Variants in ROBO2 observed in about 807,000 individuals in gnomAD.
The protein encoded by ROBO2 is roundabout guidance receptor 2, also known as roundabout homolog 2.
ROBO2 carries 53 observed loss-of-function variants against 160.8 expected under a neutral mutation model. The ratio of observed to expected loss-of-function variants is 0.33; its 90% CI spans 0.26 to 0.41. The LOEUF (loss-of-function observed/expected upper bound fraction) is 0.41, where lower values mean the gene tolerates loss of function less well. Ranked by LOEUF, ROBO2 falls within the 10% of genes least tolerant of loss-of-function variation. The pLI is 1.00. For synonymous variants in ROBO2, 664 were observed against 611.7 expected (o/e 1.09, Z -1.26); for missense variants, 1,577 against 1,722.4 (o/e 0.92, Z 1.49).
intron 2 of ROBO2, among the ~76,000 whole-genome samples, chr3:77,180,416 C>CTCTCTCTCTATATATA (rs1433740534): frequency 2.1e-4 from 19 of 90,722 alleles, no homozygotes; most frequent in South Asian, 7.5e-4. Context: ...CTCTCTCTCT[C>CTCTCTCTCTATATATA]TATATATATA....
At chr3:76,680,063 C>T (rs2092515313) in intron 2 of ROBO2, among the ~76,000 whole-genome samples, 1 of 152,078 alleles carries the variant, frequency 6.6e-6, no homozygotes, top group South Asian at 2.1e-4. Context: ...TAAAGCTAAA[C>T]ATTGTGCAAA....
intron 2 of ROBO2, among the ~76,000 whole-genome samples, chr3:77,247,570 C>T (rs191968234): frequency 4.5e-4 from 68 of 152,300 alleles, no homozygotes; most frequent in South Asian, 1.0e-3. Flanking sequence ...AGTGGCTCCT[C>T]CTCTCTTCAG....
intron 21 of ROBO2, among the ~76,000 whole-genome samples, chr3:77,611,516 C>T (rs2094642196): frequency 6.6e-6 from 1 of 151,964 alleles, no homozygotes; most frequent in African/African-American, 2.4e-5. Context: ...GGGAATAAAA[C>T]AAAGCAAGGT....
chr3:76,156,666 C>T (rs539584461), intron 2 of ROBO2, among the ~76,000 whole-genome samples: 9 of 152,278 alleles, frequency 5.9e-5, no homozygotes, highest in Non-Finnish European at 1.3e-4. Flanking sequence ...ATAGAATTAA[C>T]GAACTTTAGA....
intron 1 of ROBO2, among the ~76,000 whole-genome samples, chr3:75,934,414 A>G (rs1285419350): frequency 1.3e-5 from 2 of 152,212 alleles, no homozygotes; most frequent in Non-Finnish European, 2.9e-5. Context: ...AGTCCATGGC[A>G]TGTCTTTATG....
intron 2 of ROBO2, among the ~76,000 whole-genome samples, chr3:76,726,082 T>C (rs558316763): frequency 6.6e-6 from 1 of 152,260 alleles, no homozygotes; most frequent in South Asian, 2.1e-4. Context: ...CATACATCAG[T>C]CTGTTTTTTC....
chr3:76,438,028 T>C (rs1022979363), intron 2 of ROBO2, among the ~76,000 whole-genome samples: 1 of 152,166 alleles, frequency 6.6e-6, no homozygotes, highest in African/African-American at 2.4e-5. Flanking sequence ...GTTAAGCATA[T>C]ACAGTTCCAG....
intron 2 of ROBO2, among the ~76,000 whole-genome samples, chr3:76,644,637 T>C (rs1310372483): frequency 6.6e-6 from 1 of 152,178 alleles, no homozygotes; most frequent in Non-Finnish European, 1.5e-5. Context: ...TTAATACTTT[T>C]GGTGGCCACA....
At chr3:76,548,073 A>G (rs539430880) in intron 2 of ROBO2, among the ~76,000 whole-genome samples, 1 of 152,188 alleles carries the variant, frequency 6.6e-6, no homozygotes, top group Non-Finnish European at 1.5e-5. Context: ...AGAATGGTGC[A>G]TATATAAAAC....
rs542710840 is a variant in ROBO2, at chr3:76,194,406, C to A, written c.109+256804C>A. Among the ~76,000 whole-genome samples the A allele has an allele frequency of 7.3e-4, 96 of 131,258 alleles. 1 individual carries two copies. Among genetic ancestry groups the A allele is most frequent in the African/African-American group, 2.5e-3 (91 of 35,772 alleles). 86.1% of individuals were successfully genotyped at this position (131,258 alleles called of 152,430 possible). A position where few individuals can be genotyped will look rare whatever the true frequency, so the allele number is the denominator to read the frequency against. On this transcript the variant is annotated intron_variant, in intron 2 of 26. Transcript: ENST00000487694. ...TATATAGTGTGAGGACAAAGCTGGA[C>A]TTGTTCACTGGTAATCTTTATTTGG...
intron 1 of ROBO2, among the ~76,000 whole-genome samples, chr3:77,056,992 G>C (rs1226225442): frequency 6.6e-6 from 1 of 152,056 alleles, no homozygotes; most frequent in Non-Finnish European, 1.5e-5. Context: ...CAATCATGCT[G>C]CTATAAAGAC....
intron 2 of ROBO2, among the ~76,000 whole-genome samples, chr3:77,420,033 A>C (rs1272069277): frequency 1.3e-5 from 2 of 152,152 alleles, no homozygotes; most frequent in Non-Finnish European, 2.9e-5. Context: ...TTTAATACCA[A>C]ATACCTGAGA....
chr3:77,352,683 T>C (rs1347178350), intron 2 of ROBO2, among the ~76,000 whole-genome samples: 1 of 152,198 alleles, frequency 6.6e-6, no homozygotes, highest in Non-Finnish European at 1.5e-5. Context: ...TCATCTTAGT[T>C]TTTTGCCTTC....
intron 2 of ROBO2, among the ~76,000 whole-genome samples, chr3:77,186,023 T>G (rs1390418403): frequency 2.6e-5 from 4 of 151,826 alleles, no homozygotes; most frequent in Non-Finnish European, 5.9e-5. Flanking sequence ...TTTGGGAATT[T>G]AGGGGGAAAG....
At chr3:76,763,248 G>T (rs1263735525) in intron 2 of ROBO2, among the ~76,000 whole-genome samples, 2 of 151,684 alleles carry the variant, frequency 1.3e-5, no homozygotes, top group South Asian at 4.1e-4. Context: ...TTTGTCTAAT[G>T]ATGCCAACTA....
intron 5 of ROBO2, among the ~76,000 whole-genome samples, chr3:77,498,709 G>C (rs906334583): frequency 6.6e-6 from 1 of 151,636 alleles, no homozygotes; most frequent in Non-Finnish European, 1.5e-5. Context: ...CTATTGTTTA[G>C]AGCATGTGCT....
intron 2 of ROBO2, among the ~76,000 whole-genome samples, chr3:76,161,606 T>C (rs1276823401): frequency 6.6e-6 from 1 of 152,140 alleles, no homozygotes; most frequent in South Asian, 2.1e-4. Flanking sequence ...AGACCCTTTC[T>C]CTTCTGGTTC....
At chr3:77,313,551 C>A (rs1041720425) in intron 2 of ROBO2, among the ~76,000 whole-genome samples, 1 of 151,904 alleles carries the variant, frequency 6.6e-6, no homozygotes, top group Non-Finnish European at 1.5e-5. Context: ...GTCTCTAGAT[C>A]AGTATTTTTT....
chr3:75,976,552 C>T (rs1299122630), intron 2 of ROBO2, among the ~76,000 whole-genome samples: 2 of 151,414 alleles, frequency 1.3e-5, no homozygotes, highest in East Asian at 3.9e-4. Flanking sequence ...AGCAATATTT[C>T]TTATCTGATT....
Sources: allele counts gnomAD v4.1 joint callset (sites outside exome capture counted in the v4.1 genomes callset), GRCh38; gene constraint gnomAD v4.1.1; transcripts MANE v1.5; gene names NCBI Gene and HGNC (gene_info 2026-07-23, HGNC 2026-07-21).